The following MED1 variants were observed in gnomAD, a reference collection of about 807,000 sequenced individuals.
MED1 encodes mediator of RNA polymerase II transcription subunit 1.
In MED1, 17 loss-of-function variants were observed where a neutral mutation model predicts 121.3. The observed-to-expected ratio is 0.14, with a 90% CI of 0.10 to 0.21. MED1 has a LOEUF of 0.21. MED1 is among the 10% of genes least tolerant of loss of function. The probability of loss-of-function intolerance (pLI) is 1.00; values close to 1 mark genes in which losing one functional copy is unlikely to be tolerated. For missense variants in MED1, 1,558 were observed against 1,919.4 expected, an observed-to-expected ratio of 0.81 and a Z score of 3.52; for synonymous variants, 661 against 694.4, an observed-to-expected ratio of 0.95 and a Z score of 0.76.
intron 2 of MED1, among the ~76,000 whole-genome samples, chr17:39,443,946 T>C (rs1451317114): frequency 1.3e-5 from 2 of 152,080 alleles, no homozygotes; most frequent in African/African-American, 2.4e-5. Flanking sequence ...CAAGGCAAGA[T>C]AGAGAGATCC....
intron 10 of MED1, among the ~76,000 whole-genome samples, chr17:39,425,727 G>T (rs533243130): frequency 6.6e-6 from 1 of 151,686 alleles, no homozygotes; most frequent in African/African-American, 2.4e-5. Context: ...ACTTGAACCT[G>T]GGGGGCGGAG....
At chr17:39,439,102 A>C in intron 6 of MED1, 63 bp downstream of exon 6, 8 of 1,454,290 alleles carry the variant, frequency 5.5e-6, no homozygotes, top group Non-Finnish European at 7.5e-6. Context: ...CCAGTCTTAA[A>C]AGCCAGCTGT....
chr17:39,436,804 C>T (rs1283060290), intron 6 of MED1, among the ~76,000 whole-genome samples: 3 of 151,884 alleles, frequency 2.0e-5, no homozygotes, highest in Non-Finnish European at 4.4e-5. Context: ...AGTCTCACTC[C>T]GTCACCCAGG....
Position 39,407,648 on chromosome 17 carries a change from AT to A in MED1, c.4572del (p.Lys1524AsnfsTer23). The A allele has an allele frequency of 1.9e-6, 3 of 1,612,768 alleles. No individual in the cohort carries two copies. Among genetic ancestry groups the A allele is most frequent in the Non-Finnish European group, 2.5e-6 (3 of 1,179,622 alleles). ...RDRDKDRDKK[K>X]SHSIKPESWS... The stretch of plus-strand genomic sequence containing the variant: ...CAACTCTCTGGCTTGATGCTATGAG[AT>A]TTTTTCTTGTCTCGGTCTTTGTCCC... On this transcript the variant is annotated frameshift_variant, in exon 17 of 17. Coordinates refer to ENST00000300651, the MANE Select transcript of MED1 (RefSeq NM_004774.4). LOFTEE classifies it high-confidence loss of function.
intron 10 of MED1, among the ~76,000 whole-genome samples, chr17:39,426,099 C>T (rs1048139431): frequency 2.6e-5 from 4 of 151,928 alleles, no homozygotes; most frequent in African/African-American, 4.8e-5. Context: ...AATCACTGTA[C>T]GCCAGCCTGG....
chr17:39,450,685 C>T (rs1045815897), intron 1 of MED1, among the ~76,000 whole-genome samples: 2 of 152,124 alleles, frequency 1.3e-5, no homozygotes, highest in East Asian at 3.8e-4. Context: ...TTCATTGATG[C>T]CAAAATAGTC....
Position 39,427,777 on chromosome 17 carries a change from G to A in MED1, c.663C>T (p.Asn221=), listed in dbSNP as rs1420209839. The A allele has an allele frequency of 6.3e-7, 1 of 1,593,236 alleles. No homozygotes were observed. The highest frequency in any genetic ancestry group is 1.1e-5 in the South Asian group (1 of 89,480). ...CAGAAGGAGAGACATAGTACTTCAG[G>A]TTCATTAAATGACCTATAAAAAATA... ...LTPRSGGHLM[N]LKYYVSPSDL... is the part of the protein sequence containing the mutation. Residue 221 remains asparagine, a synonymous_variant, in exon 10 of 17, where the codon AAC becomes AAT. Coordinates refer to ENST00000300651, the MANE Select transcript of MED1 (RefSeq NM_004774.4).
rs1288011106 is a variant in MED1 at position 39,427,499 on chromosome 17, C to G, written c.739+202G>C. 13 of 372,336 alleles carry G rather than the reference C, an allele frequency of 3.5e-5. No individual in the cohort carries two copies. The East Asian group carries it at 6.3e-4, about 18-fold the overall frequency. 23.1% of individuals were successfully genotyped at this position (372,336 alleles called of 1,614,324 possible). A position where few individuals can be genotyped will look rare whatever the true frequency, so the allele number is the denominator to read the frequency against. The stretch of plus-strand genomic sequence containing the variant: ...CCAGCCCAAAAGTACTTATTAAGCT[C>G]CTATTATGTATGTGTGTATATATGC... On this transcript the variant is annotated intron_variant, in intron 10 of 16. Transcript: ENST00000300651.
At chr17:39,413,734 C>T (rs542427539) in intron 16 of MED1, among the ~76,000 whole-genome samples, 3 of 150,432 alleles carry the variant, frequency 2.0e-5, no homozygotes, top group South Asian at 4.2e-4. Flanking sequence ...ACTCTTGTCT[C>T]AAAATAAAAA....
chr17:39,434,688 G>A (rs531051057), intron 6 of MED1, among the ~76,000 whole-genome samples: 165 of 151,968 alleles, frequency 1.1e-3, no homozygotes, highest in Middle Eastern at 0.01. Context: ...TTGTAGAGAC[G>A]GGGTTTCCCG....
At chr17:39,439,521 A>G (rs1413219767) in intron 5 of MED1, among the ~76,000 whole-genome samples, 1 of 152,210 alleles carries the variant, frequency 6.6e-6, no homozygotes, top group African/African-American at 2.4e-5. Flanking sequence ...CATCTCTATT[A>G]CATAATTTTT....
rs529879888 is a variant in MED1, at chr17:39,421,708, C to T, written c.1095+1619G>A. Among the ~76,000 whole-genome samples, 5 of 152,116 alleles carry T rather than the reference C, an allele frequency of 3.3e-5. No homozygotes were observed. The South Asian group carries it at 6.2e-4, about 19-fold the overall frequency. On this transcript the variant is annotated intron_variant, in intron 13 of 16. Transcript: ENST00000300651. The stretch of plus-strand genomic sequence containing the variant: ...CCAGCCTCTTAATTACTGCTTCCAG[C>T]ATTTTCCTCTCTGTAAGTACTTTCA...
chr17:39,439,257 A>G, intron 5 of MED1, 64 bp from the exon 6 acceptor site: 2 of 1,315,624 alleles, frequency 1.5e-6, no homozygotes, highest in South Asian at 1.3e-5. Flanking sequence ...AGATATCAAA[A>G]GCCTTTCTCT....
rs142200317 is a variant in MED1, at chr17:39,447,126, C to T, written c.132+672G>A. 9.2e-3 allele frequency among the ~76,000 whole-genome samples: 1,404 copies of T among 152,212 alleles called. 18 individuals are homozygous for T. The highest frequency in any genetic ancestry group is 0.032 in the African/African-American group (1,327 of 41,520). Reference sequence around the variant, plus strand: ...GTCAAAACGGCTGGACGCGGTGGCTCACGCCTGTAATCCCAGCACTTTGGG... The same window carrying T: ...GTCAAAACGGCTGGACGCGGTGGCTTACGCCTGTAATCCCAGCACTTTGGG... On this transcript the variant is annotated intron_variant, in intron 2 of 16. Coordinates refer to ENST00000300651, the MANE Select transcript of MED1 (RefSeq NM_004774.4).
At chr17:39,433,815 T>C (rs964637331) in intron 7 of MED1, among the ~76,000 whole-genome samples, 1 of 152,144 alleles carries the variant, frequency 6.6e-6, no homozygotes, top group Non-Finnish European at 1.5e-5. Flanking sequence ...TGTCTTGGCC[T>C]CCCAATGTAC....
At position 39,405,236 on chromosome 17, in the gene MED1, C is replaced by T; in HGVS notation, c.*2239G>A. On this transcript the variant is annotated 3_prime_UTR_variant, in exon 17 of 17. Transcript: ENST00000300651. ...TGTTAAGCAAGTTCAGATGCTGGGT[C>T]AGTGTGGGGGTGAGCCCATCGACAA... The T allele has an allele frequency of 6.3e-7, 1 of 1,590,292 alleles. No individual in the cohort carries two copies. Among genetic ancestry groups the T allele is most frequent in the Non-Finnish European group, 8.6e-7 (1 of 1,168,288 alleles).
intron 16 of MED1, among the ~76,000 whole-genome samples, chr17:39,413,823 T>C (rs1313759764): frequency 1.3e-5 from 2 of 151,484 alleles, no homozygotes; most frequent in African/African-American, 4.9e-5. Flanking sequence ...TATCTGTATT[T>C]TATTATGGCT....
chr17:39,409,903 T>C lies in MED1; in HGVS notation c.2318A>G (p.Asp773Gly). The C allele has an allele frequency of 1.9e-6, 3 of 1,614,056 alleles. No homozygotes were observed. Among genetic ancestry groups the C allele is most frequent in the East Asian group, 2.2e-5 (1 of 44,882 alleles). The change falls in exon 17 of 17, where the codon GAC becomes GGC. Residue 773 changes from aspartate to glycine, a missense_variant. Coordinates refer to ENST00000300651, the MANE Select transcript of MED1 (RefSeq NM_004774.4). ...IQRMVRLSSS[D>G]SIGPDVTDIL... ...GTCAGTTACATCTGGGCCAATGCTG[T>C]CTGAACTGGATAGTCGGACCATCCT...
intron 8 of MED1, 86 bp from the exon 9 acceptor site, chr17:39,431,274 G>T: frequency 2.8e-6 from 3 of 1,063,302 alleles, no homozygotes; most frequent in South Asian, 1.4e-5. Flanking sequence ...CCTCTCCGAA[G>T]TCTTGTCTTT....
Sources: allele counts gnomAD v4.1 joint callset (sites outside exome capture counted in the v4.1 genomes callset), GRCh38; gene constraint gnomAD v4.1.1; transcripts MANE v1.5; gene names NCBI Gene and HGNC (gene_info 2026-07-23, HGNC 2026-07-21).